NSUN5: variants seen among roughly 807,000 people sequenced by gnomAD.
NSUN5 encodes 28S rRNA (cytosine-C(5))-methyltransferase.
A neutral mutation model predicts 51.1 loss-of-function variants in NSUN5; 39 were observed. The ratio of observed to expected loss-of-function variants is 0.76; its 90% CI spans 0.59 to 1.00. The LOEUF (loss-of-function observed/expected upper bound fraction) is 1.00. NSUN5 is among the 50% of genes least tolerant of loss of function. The pLI, the probability that NSUN5 is intolerant of heterozygous loss-of-function variation, is 0.00. For synonymous variants in NSUN5, 266 were observed against 271.5 expected, an observed-to-expected ratio of 0.98 and a Z score of 0.20; for missense variants, 526 against 614.0, an observed-to-expected ratio of 0.86 and a Z score of 1.51.
In NSUN5 at chr7:73,303,026, G is replaced by A. The variant is rs539233640; in HGVS notation, c.*389C>T. The A allele has an allele frequency of 2.7e-5, 35 of 1,283,456 alleles. No individual in the cohort carries two copies. Among genetic ancestry groups the A allele is most frequent in the South Asian group, 2.0e-4 (11 of 56,030 alleles). 79.5% of individuals were successfully genotyped at this position (1,283,456 alleles called of 1,614,324 possible). A position where few individuals can be genotyped will look rare whatever the true frequency, so the allele number is the denominator to read the frequency against. On this transcript the variant is annotated 3_prime_UTR_variant, in exon 10 of 10. Coordinates refer to ENST00000438747, the MANE Select transcript of NSUN5 (RefSeq NM_148956.4). Reference sequence around the variant, plus strand: ...ACCTGAGCTAGTTTACCTCAGTTCCGCAGGCAGGACAGCCGGTCCGGGAAC... The same window carrying A: ...ACCTGAGCTAGTTTACCTCAGTTCCACAGGCAGGACAGCCGGTCCGGGAAC...
Position 73,303,501 on chromosome 7 carries a change from G to A in NSUN5, c.1315C>T (p.Pro439Ser). The A allele has an allele frequency of 6.2e-7, 1 of 1,614,190 alleles. No individual in the cohort carries two copies. The highest frequency in any genetic ancestry group is 2.2e-5 in the East Asian group (1 of 44,866). The change falls in exon 10 of 10, where the codon CCA becomes TCA. Residue 439 changes from proline to serine, a missense_variant. By Grantham distance (74) the Pro-to-Ser change is moderately conservative. Transcript: ENST00000438747. ...SSASQAKASA[P>S]ERTPSPAPKR... ...GGGGCTGGGCTGGGTGTGCGTTCTG[G>A]TGCTGATGCTTTGGCCTGTGAGGCT...
chr7:73,304,722 C>T (rs1290833774), intron 6 of NSUN5, 25 bp downstream of exon 6: 1 of 1,448,694 alleles, frequency 6.9e-7, no homozygotes, highest in East Asian at 2.3e-5. Flanking sequence ...ACCCCATGTC[C>T]TCCTCCTCCT....
intron 1 of NSUN5, 59 bp from the exon 2 acceptor site, chr7:73,308,612 C>T: frequency 1.4e-5 from 23 of 1,586,380 alleles, no homozygotes; most frequent in Non-Finnish European, 2.0e-5. Context: ...TCGCCGGGCC[C>T]CACCTCCCGA....
At chr7:73,308,367 C>T in intron 2 of NSUN5, 64 bp downstream of exon 2, 2 of 1,535,164 alleles carry the variant, frequency 1.3e-6, no homozygotes, top group South Asian at 2.4e-5. Context: ...GGCAGCAGAG[C>T]TGAGACCAGA....
chr7:73,307,159 G>A (rs1804072148), intron 4 of NSUN5, among the ~76,000 whole-genome samples: 1 of 152,164 alleles, frequency 6.6e-6, no homozygotes, highest in Non-Finnish European at 1.5e-5. Context: ...ATCACCAGGT[G>A]GGAGGCAGGA....
rs781819762 is a variant in NSUN5 at position 73,307,586 on chromosome 7, G to C, written c.388C>G (p.Pro130Ala). ...DLLEVGSRPG[P>A]ASQLPRFVRV... ...CCCCCAACTCCTTCCAGCTTACCTG[G>C]ACCAGGCCTGGATCCCACTTCCAAC... The change falls in exon 3 of 10, where the codon CCA becomes GCA. Residue 130 changes from proline (P) to alanine (A), a missense_variant. Coordinates refer to ENST00000438747, the MANE Select transcript of NSUN5 (RefSeq NM_148956.4). 1.4e-5 allele frequency: 23 copies of C among 1,593,466 alleles called. No homozygotes were observed. The highest frequency in any genetic ancestry group is 3.3e-5 in the South Asian group (3 of 90,298).
chr7:73,304,627 C>G (rs879981722), intron 6 of NSUN5, 120 bp downstream of exon 6: 17 of 976,336 alleles, frequency 1.7e-5, no homozygotes, highest in Admixed American at 3.9e-5. Context: ...GGGCAAATAC[C>G]GTGAACTGCT....
intron 2 of NSUN5, chr7:73,308,060 G>GT (rs1804118139): frequency 4.3e-6 from 2 of 463,900 alleles, no homozygotes; most frequent in African/African-American, 3.9e-5. Context: ...TTAGAATGGG[G>GT]TCTAGCTCTG....
Position 73,307,681 on chromosome 7 carries a change from T to C in NSUN5, c.293A>G (p.His98Arg). ...GGRWKALLGR[H>R]QARLKAELAR... ...CAACTCAGCCTTGAGCCTCGCCTGG[T>C]GCCGGCCCAACAGAGCCTTCCATCG... The change falls in exon 3 of 10, where the codon CAC (histidine) becomes CGC (arginine). Residue 98 changes from histidine to arginine, a missense_variant. Physicochemically the swap from His to Arg is conservative, Grantham distance 29 (BLOSUM62 0). Transcript: ENST00000438747. 6.2e-7 allele frequency: 1 copy of C among 1,612,250 alleles called. No homozygotes were observed. Among genetic ancestry groups the C allele is most frequent in the Non-Finnish European group, 8.5e-7 (1 of 1,179,212 alleles).
intron 4 of NSUN5, among the ~76,000 whole-genome samples, chr7:73,305,326 A>G (rs1803996558): frequency 6.6e-6 from 1 of 152,288 alleles, no homozygotes; most frequent in Admixed American, 6.5e-5. Context: ...AAATGATTCA[A>G]TCTCAAGCCC....
At position 73,304,779 on chromosome 7, in the gene NSUN5, G is replaced by T; in HGVS notation, c.723C>A (p.Thr241=). 6.2e-7 allele frequency: 1 copy of T among 1,613,802 alleles called. No homozygotes were observed. Among genetic ancestry groups the T allele is most frequent in the Non-Finnish European group, 8.5e-7 (1 of 1,179,754 alleles). The change falls in exon 6 of 10, where the codon ACC becomes ACA. Residue 241 remains threonine (T), a synonymous_variant. Transcript: ENST00000438747. ...IDACAAPGNK[T]SHLAALLKNQ... ...TCTTCAGAAGAGCAGCCAAGTGACTGGTCTTATTGCCTGGGGCGGCACAGG... is the reference window on the plus strand; with the variant it reads ...TCTTCAGAAGAGCAGCCAAGTGACTTGTCTTATTGCCTGGGGCGGCACAGG...
In NSUN5 at chr7:73,305,048, A is replaced by G; in HGVS notation, c.550T>C (p.Leu184=). 6.2e-7 allele frequency: 1 copy of G among 1,610,228 alleles called. No homozygotes were observed. Among genetic ancestry groups the G allele is most frequent in the Non-Finnish European group, 8.5e-7 (1 of 1,177,414 alleles). The change falls in exon 5 of 10, where the codon TTG becomes CTG. Residue 184 remains leucine, a synonymous_variant. Coordinates refer to ENST00000438747, the MANE Select transcript of NSUN5 (RefSeq NM_148956.4). ...LKGKHFLLDP[L]MPELLVFPAQ... ...GGAAACACCAGCAGCTCCGGCATCAAGGGGTCCAGGAGAAAATGCTTCCCC... is the reference window on the plus strand; with the variant it reads ...GGAAACACCAGCAGCTCCGGCATCAGGGGGTCCAGGAGAAAATGCTTCCCC...
rs781847706 is a variant in NSUN5, at chr7:73,307,669, A to G, written c.305T>C (p.Leu102Pro). ...CTTGAGCCGAGCCAACTCAGCCTTG[A>G]GCCTCGCCTGGTGCCGGCCCAACAG... Reference protein sequence around the residue: ...KALLGRHQARLKAELARLKVH... With the variant: ...KALLGRHQARPKAELARLKVH... Residue 102 changes from leucine to proline, a missense_variant, in exon 3 of 10, where the codon CTC (leucine) becomes CCC (proline). Transcript: ENST00000438747. 3.7e-6 allele frequency: 6 copies of G among 1,612,580 alleles called. No homozygotes were observed. The highest frequency in any genetic ancestry group is 1.7e-5 in the Admixed American group (1 of 59,738).
intron 4 of NSUN5, among the ~76,000 whole-genome samples, chr7:73,306,958 G>A (rs1407607087): frequency 6.6e-6 from 1 of 152,138 alleles, no homozygotes; most frequent in East Asian, 1.9e-4. Context: ...GAAGCACCTA[G>A]GATGACTCAG....
Position 73,307,380 on chromosome 7 carries a change from C to A in NSUN5, c.500+14G>T. On this transcript the variant is annotated intron_variant, in intron 4 of 9. Coordinates refer to ENST00000438747, the MANE Select transcript of NSUN5 (RefSeq NM_148956.4). Reference sequence around the variant, plus strand: ...CCTCCCTAGATGAGGACAGCCAGGGCTCTAAGCTCTCACCTGGAAGCCCGA... The same window carrying A: ...CCTCCCTAGATGAGGACAGCCAGGGATCTAAGCTCTCACCTGGAAGCCCGA... 1 of 1,592,746 alleles carries A rather than the reference C, an allele frequency of 6.3e-7. No individual in the cohort carries two copies. Among genetic ancestry groups the A allele is most frequent in the Non-Finnish European group, 8.6e-7 (1 of 1,160,676 alleles).
chr7:73,307,924 A>T, intron 2 of NSUN5, 167 bp from the exon 3 acceptor site: 1 of 667,672 alleles, frequency 1.5e-6, no homozygotes, highest in Non-Finnish European at 2.5e-6. Flanking sequence ...TTAACTACAG[A>T]ACAGGATCGG....
In NSUN5 at chr7:73,307,755, C is replaced by T. The variant is rs1411129117; in HGVS notation, c.219G>A (p.Val73=). 6.4e-7 allele frequency: 1 copy of T among 1,550,492 alleles called. No homozygotes were observed. Among genetic ancestry groups the T allele is most frequent in the Non-Finnish European group, 8.7e-7 (1 of 1,145,974 alleles). Residue 73 remains valine (V), a splice_region_variant and synonymous_variant, in exon 3 of 10, where the codon GTG becomes GTA. Transcript: ENST00000438747. ...EKKLRPHLAK[V]LVYELLLGKG... is the part of the protein sequence containing the mutation. ...TTCCCAACAACAACTCATACACTAGCACCTGGGAATGAGGGAACAAAGACA... is the reference window on the plus strand; with the variant it reads ...TTCCCAACAACAACTCATACACTAGTACCTGGGAATGAGGGAACAAAGACA...
At chr7:73,308,208 T>C in intron 2 of NSUN5, 1 of 589,332 alleles carries the variant, frequency 1.7e-6, no homozygotes, top group East Asian at 3.0e-5. Flanking sequence ...TTCCTTACAG[T>C]CTCCGCCACT....
In NSUN5 at chr7:73,307,656, C is replaced by T; in HGVS notation, c.318G>A (p.Leu106=). 1 of 1,613,442 alleles carries T rather than the reference C, an allele frequency of 6.2e-7. No individual in the cohort carries two copies. The highest frequency in any genetic ancestry group is 1.3e-5 in the African/African-American group (1 of 74,786). The change falls in exon 3 of 10, where the codon TTG becomes TTA. Residue 106 remains leucine (L), a synonymous_variant. Coordinates refer to ENST00000438747, the MANE Select transcript of NSUN5 (RefSeq NM_148956.4). ...CACCCCGATGAACCTTGAGCCGAGC[C>T]AACTCAGCCTTGAGCCTCGCCTGGT... ...GRHQARLKAE[L]ARLKVHRGVS...
Sources: gnomAD v4.1 joint callset for allele counts (sites outside exome capture counted in the v4.1 genomes callset) on GRCh38, gnomAD v4.1.1 for gene constraint, MANE v1.5 for transcripts, NCBI Gene and HGNC (gene_info 2026-07-23, HGNC 2026-07-21) for gene names.